The following TBCA variants were observed in gnomAD, a reference collection of about 807,000 sequenced individuals.
TBCA encodes tubulin folding cofactor A.
TBCA carries 6 observed loss-of-function variants against 15.8 expected under a neutral mutation model. That is an observed-to-expected ratio of 0.38 (90% confidence interval 0.21 to 0.75). The LOEUF (loss-of-function observed/expected upper bound fraction) is 0.75, where lower values mean the gene tolerates loss of function less well. TBCA is among the 30% of genes least tolerant of loss of function. The pLI is 0.46. For synonymous variants in TBCA, 32 were observed against 42.3 expected (o/e 0.76, Z 0.94); for missense variants, 90 against 131.2 (o/e 0.69, Z 1.53).
chr5:77,740,872 T>C (rs769705420), intron 1 of TBCA, among the ~76,000 whole-genome samples: 6 of 152,242 alleles, frequency 3.9e-5, no homozygotes, highest in Non-Finnish European at 2.9e-5. Flanking sequence ...TTATTCACTA[T>C]TGTATCTCTG....
At chr5:77,702,548 G>A (rs1018347722) in intron 2 of TBCA, among the ~76,000 whole-genome samples, 5 of 152,182 alleles carry the variant, frequency 3.3e-5, no homozygotes, top group African/African-American at 9.7e-5. Context: ...GGAGCTTTGC[G>A]ATGGAACAGT....
chr5:77,765,929 G>A (rs907790074), intron 1 of TBCA, among the ~76,000 whole-genome samples: 2 of 148,832 alleles, frequency 1.3e-5, no homozygotes, highest in African/African-American at 4.9e-5. Flanking sequence ...CCATTAAAAT[G>A]AGAATAAAAA....
intron 1 of TBCA, among the ~76,000 whole-genome samples, chr5:77,763,034 G>C (rs1218091048): frequency 6.6e-6 from 1 of 152,152 alleles, no homozygotes; most frequent in Non-Finnish European, 1.5e-5. Flanking sequence ...ACGAGGTCAG[G>C]AGATAGAGAC....
intron 3 of TBCA, chr5:77,693,024 AAATTT>A (rs2112416984): frequency 7.0e-7 from 1 of 1,424,010 alleles, no homozygotes; most frequent in East Asian, 2.5e-5. Flanking sequence ...TAACTTAAAT[AAATTT>A]AACTAGCTAA....
chr5:77,711,966 G>C (rs1746286726), intron 1 of TBCA, among the ~76,000 whole-genome samples: 1 of 148,756 alleles, frequency 6.7e-6, no homozygotes, highest in East Asian at 2.0e-4. Context: ...GTGTTGCCCT[G>C]AAAAAGAAAA....
At chr5:77,765,326 G>C (rs955616811) in intron 1 of TBCA, among the ~76,000 whole-genome samples, 1 of 152,182 alleles carries the variant, frequency 6.6e-6, no homozygotes, top group Non-Finnish European at 1.5e-5. Context: ...GGGTGTTAGG[G>C]ACCCCAAGGG....
chr5:77,711,324 T>C (rs973564788), intron 1 of TBCA, among the ~76,000 whole-genome samples: 2 of 152,162 alleles, frequency 1.3e-5, no homozygotes, highest in African/African-American at 4.8e-5. Context: ...ATATAATATC[T>C]GGTCCTTTAC....
intron 2 of TBCA, among the ~76,000 whole-genome samples, chr5:77,697,262 A>G (rs1013522136): frequency 2.0e-5 from 3 of 152,234 alleles, no homozygotes; most frequent in Non-Finnish European, 4.4e-5. Context: ...ACTTTTGTAG[A>G]ACACTCTACC....
At chr5:77,727,410 A>G (rs1746653871) in intron 1 of TBCA, among the ~76,000 whole-genome samples, 1 of 152,174 alleles carries the variant, frequency 6.6e-6, no homozygotes, top group Non-Finnish European at 1.5e-5. Context: ...ACATGCATGT[A>G]TATCTAGATA....
Position 77,693,346 on chromosome 5 carries a change from T to A in TBCA, c.166A>T (p.Ile56Phe). 6.2e-7 allele frequency: 1 copy of A among 1,609,948 alleles called. No homozygotes were observed. The highest frequency in any genetic ancestry group is 8.5e-7 in the Non-Finnish European group (1 of 1,178,898). Residue 56 changes from isoleucine (I) to phenylalanine (F), a missense_variant, in exon 3 of 4, where the codon ATC (isoleucine) becomes TTC (phenylalanine). By Grantham distance (21) the Ile-to-Phe change is conservative. Coordinates refer to ENST00000380377, the MANE Select transcript of TBCA (RefSeq NM_004607.3). ...ATCATCATCCTGGATTCTTGTAGGA[T>A]CTCTGCCTAGAATGAGAATCTCTGT... ...ENYDIKKQAE[I>F]LQESRMMIPD... is the part of the protein sequence containing the mutation.
chr5:77,705,822 T>G (rs1022096927), intron 2 of TBCA, among the ~76,000 whole-genome samples: 1 of 151,958 alleles, frequency 6.6e-6, no homozygotes, highest in African/African-American at 2.4e-5. Flanking sequence ...CACAGAGAGA[T>G]CCCACTGCCC....
intron 1 of TBCA, among the ~76,000 whole-genome samples, chr5:77,762,908 CCT>C (rs969279500): frequency 6.6e-6 from 1 of 152,114 alleles, no homozygotes; most frequent in African/African-American, 2.4e-5. Context: ...AGCCTCACAC[CCT>C]CTTTTTTTCT....
At chr5:77,763,521 C>T (rs431593) in intron 1 of TBCA, among the ~76,000 whole-genome samples, 34,877 of 152,002 alleles carry the variant, frequency 0.23, 4,689 homozygotes, top group Non-Finnish European at 0.31. Flanking sequence ...TATATCTTAA[C>T]GTTCAATGTA....
chr5:77,701,969 T>C (rs1238196239), intron 2 of TBCA, among the ~76,000 whole-genome samples: 1 of 151,796 alleles, frequency 6.6e-6, no homozygotes, highest in Non-Finnish European at 1.5e-5. Flanking sequence ...TTCTCACTTA[T>C]AAGTGGGAGC....
At chr5:77,771,890 C>T (rs1364565618) in intron 1 of TBCA, among the ~76,000 whole-genome samples, 2 of 152,104 alleles carry the variant, frequency 1.3e-5, no homozygotes, top group Non-Finnish European at 1.5e-5. Context: ...AATATAATTT[C>T]TAGTTGCTCT....
At chr5:77,729,376 C>T (rs1357176331) in intron 1 of TBCA, among the ~76,000 whole-genome samples, 1 of 152,006 alleles carries the variant, frequency 6.6e-6, no homozygotes, top group Non-Finnish European at 1.5e-5. Flanking sequence ...TTAGGCTAGC[C>T]CATTCTCCTG....
At chr5:77,706,194 CTG>C (rs1217696966) in intron 2 of TBCA, among the ~76,000 whole-genome samples, 1 of 152,152 alleles carries the variant, frequency 6.6e-6, no homozygotes, top group East Asian at 1.9e-4. Context: ...GCAAAAATGA[CTG>C]TGAGTTCATA....
At chr5:77,760,967 G>A (rs1362489060) in intron 1 of TBCA, among the ~76,000 whole-genome samples, 4 of 150,904 alleles carry the variant, frequency 2.7e-5, no homozygotes, top group Non-Finnish European at 5.9e-5. Flanking sequence ...CCCATCGTCT[G>A]GGAAGTGAGG....
chr5:77,760,902 C>T (rs1381673539), intron 1 of TBCA, among the ~76,000 whole-genome samples: 1 of 150,762 alleles, frequency 6.6e-6, no homozygotes, highest in Non-Finnish European at 1.5e-5. Context: ...ATGTGAGGAG[C>T]CCCTCTGCCT....
Sources: gnomAD v4.1 joint callset for allele counts (sites outside exome capture counted in the v4.1 genomes callset) on GRCh38, gnomAD v4.1.1 for gene constraint, MANE v1.5 for transcripts, NCBI Gene and HGNC (gene_info 2026-07-23, HGNC 2026-07-21) for gene names.